The following PATJ variants were observed in gnomAD, a reference collection of about 807,000 sequenced individuals.
PATJ encodes the protein inaD-like protein.
A neutral mutation model predicts 224.9 loss-of-function variants in PATJ; 190 were observed. The observed-to-expected ratio is 0.84, with a 90% CI of 0.75 to 0.95. The LOEUF is 0.95. Among genes scored for constraint, PATJ ranks in the 40% least tolerant of loss-of-function variants. The probability of loss-of-function intolerance (pLI) is 0.00; values close to 1 mark genes in which losing one functional copy is unlikely to be tolerated. For synonymous variants in PATJ, 769 were observed against 820.3 expected (o/e 0.94, Z 1.07); for missense variants, 2,121 against 2,270.3 (o/e 0.93, Z 1.34).
chr1:62,032,613 A>G (rs1336700746), intron 29 of PATJ, among the ~76,000 whole-genome samples: 2 of 152,218 alleles, frequency 1.3e-5, no homozygotes, highest in African/African-American at 4.8e-5. Flanking sequence ...TTTTTATAAC[A>G]AAGCAGAATT....
At chr1:61,841,459 G>A (rs1303085102) in intron 17 of PATJ, among the ~76,000 whole-genome samples, 1 of 152,114 alleles carries the variant, frequency 6.6e-6, no homozygotes, top group Non-Finnish European at 1.5e-5. Context: ...ACACTATAAA[G>A]TCAGGTATGT....
chr1:61,818,974 G>A (rs1462267243), intron 14 of PATJ, among the ~76,000 whole-genome samples: 1 of 152,228 alleles, frequency 6.6e-6, no homozygotes, highest in Non-Finnish European at 1.5e-5. Context: ...TGTGTGTACA[G>A]TGGGATCTTT....
chr1:61,756,732 C>T (rs1291883334), intron 1 of PATJ, among the ~76,000 whole-genome samples: 6 of 151,762 alleles, frequency 4.0e-5, no homozygotes, highest in African/African-American at 1.2e-4. Flanking sequence ...GCGTGCGCCA[C>T]CACGCCCGGA....
At chr1:62,104,048 T>A (rs1274449733) in intron 33 of PATJ, among the ~76,000 whole-genome samples, 1 of 151,844 alleles carries the variant, frequency 6.6e-6, no homozygotes, top group Non-Finnish European at 1.5e-5. Context: ...TTGGAATAGA[T>A]GAGTTTTAGA....
At chr1:61,895,491 G>A (rs12030305) in intron 22 of PATJ, among the ~76,000 whole-genome samples, 6,364 of 152,294 alleles carry the variant, frequency 0.042, 154 homozygotes, top group East Asian at 0.098. Context: ...GCTAAAAGGC[G>A]CCAAGGTACA....
At chr1:61,915,970 C>T (rs1027176182) in intron 26 of PATJ, among the ~76,000 whole-genome samples, 1 of 152,218 alleles carries the variant, frequency 6.6e-6, no homozygotes, top group Non-Finnish European at 1.5e-5. Context: ...GCTTGGATTA[C>T]AGGCATGAGC....
intron 34 of PATJ, among the ~76,000 whole-genome samples, chr1:62,113,167 G>A (rs1216787763): frequency 1.3e-5 from 2 of 152,148 alleles, no homozygotes; most frequent in Admixed American, 6.5e-5. Context: ...TACATGACTT[G>A]GCTTTACTCA....
At chr1:61,959,420 A>T (rs1413639264) in intron 27 of PATJ, among the ~76,000 whole-genome samples, 11 of 69,622 alleles carry the variant, frequency 1.6e-4, no homozygotes, top group African/African-American at 5.0e-4. Flanking sequence ...TTATATATAT[A>T]ATATATTTTT....
intron 31 of PATJ, among the ~76,000 whole-genome samples, chr1:62,062,556 G>C (rs1226020242): frequency 7.3e-6 from 1 of 136,372 alleles, no homozygotes; most frequent in Non-Finnish European, 1.5e-5. Flanking sequence ...GAGTGCAGTG[G>C]TGTGTGGTCA....
chr1:62,134,964 T>C (rs1666669539), intron 41 of PATJ, among the ~76,000 whole-genome samples: 1 of 150,330 alleles, frequency 6.7e-6, no homozygotes, highest in African/African-American at 2.5e-5. Flanking sequence ...GGAAAAGGTG[T>C]GTCATTGAGG....
At chr1:61,859,620 T>G (rs72674680) in intron 18 of PATJ, among the ~76,000 whole-genome samples, 7,279 of 152,124 alleles carry the variant, frequency 0.048, 210 homozygotes, top group African/African-American at 0.057. Flanking sequence ...CTAATTTTTT[T>G]TTGTTGTTGT....
intron 20 of PATJ, among the ~76,000 whole-genome samples, chr1:61,865,941 C>T (rs569919185): frequency 1.3e-5 from 2 of 152,142 alleles, no homozygotes; most frequent in Non-Finnish European, 2.9e-5. Context: ...CTCTGTTGGG[C>T]AAGGTGCTGT....
chr1:62,103,857 C>T (rs968963580), intron 33 of PATJ, among the ~76,000 whole-genome samples: 12 of 151,954 alleles, frequency 7.9e-5, no homozygotes, highest in African/African-American at 1.7e-4. Flanking sequence ...ATCTAAAAAG[C>T]GGAGCCCTGG....
chr1:62,017,282 T>C (rs1468207893), intron 28 of PATJ, among the ~76,000 whole-genome samples: 1 of 151,626 alleles, frequency 6.6e-6, no homozygotes, highest in East Asian at 2.0e-4. Flanking sequence ...GGCATGGTGG[T>C]GCACACCTGT....
At chr1:62,117,505 TTA>T in intron 37 of PATJ, 4 of 896,154 alleles carry the variant, frequency 4.5e-6, no homozygotes, top group East Asian at 5.5e-5. Flanking sequence ...CTGTGTTTAT[TTA>T]AAAAAAAAAA....
At chr1:61,814,326 A>G (rs1165138106) in intron 14 of PATJ, among the ~76,000 whole-genome samples, 1 of 151,652 alleles carries the variant, frequency 6.6e-6, no homozygotes, top group Non-Finnish European at 1.5e-5. Context: ...GTATTTTTGT[A>G]AAGACGGGAT....
At chr1:61,858,230 A>G (rs1161536633) in intron 18 of PATJ, among the ~76,000 whole-genome samples, 1 of 151,850 alleles carries the variant, frequency 6.6e-6, no homozygotes, top group African/African-American at 2.4e-5. Flanking sequence ...AGTGAGAGAG[A>G]GTTGGAGTGG....
chr1:61,786,376 T>C (rs1358687582), intron 7 of PATJ, among the ~76,000 whole-genome samples: 2 of 151,594 alleles, frequency 1.3e-5, no homozygotes, highest in Non-Finnish European at 2.9e-5. Flanking sequence ...TGTTTTGTTG[T>C]TGTTGTTGTT....
chr1:62,154,761 C>G (rs1669007130), intron 43 of PATJ, among the ~76,000 whole-genome samples: 1 of 152,124 alleles, frequency 6.6e-6, no homozygotes, highest in Non-Finnish European at 1.5e-5. Flanking sequence ...TACAAGCTTG[C>G]TTTTACCTGT....
Sources: allele counts gnomAD v4.1 joint callset (sites outside exome capture counted in the v4.1 genomes callset), GRCh38; gene constraint gnomAD v4.1.1; transcripts MANE v1.5; gene names NCBI Gene and HGNC (gene_info 2026-07-23, HGNC 2026-07-21).